Variants in KATNIP observed in about 807,000 individuals in gnomAD.
KATNIP encodes katanin-interacting protein.
Under a neutral mutation model 174.0 loss-of-function variants are expected in KATNIP, and 126 were observed. The ratio of observed to expected loss-of-function variants is 0.72; its 90% CI spans 0.63 to 0.84. The LOEUF is 0.84. Ranked by LOEUF, KATNIP falls within the 40% of genes least tolerant of loss-of-function variation. The pLI is 0.00. For missense variants in KATNIP, 1,958 were observed against 2,109.7 expected, an observed-to-expected ratio of 0.93 and a Z score of 1.41; for synonymous variants, 810 against 835.7, an observed-to-expected ratio of 0.97 and a Z score of 0.53.
rs1307935345 is a variant in KATNIP, at chr16:27,740,079, C to T, written c.1782C>T (p.Val594=). ...DIGAKNVKLY[V]NRNLIFNGKL... is the part of the protein sequence containing the mutation. ...GTGCCAAGAACGTGAAGCTTTACGTCAACAGAAACCTCATCTTCAATGGCA... is the reference window on the plus strand; with the variant it reads ...GTGCCAAGAACGTGAAGCTTTACGTTAACAGAAACCTCATCTTCAATGGCA... Residue 594 remains valine, a synonymous_variant, in exon 15 of 28, where the codon GTC becomes GTT. Coordinates refer to ENST00000261588, the MANE Select transcript of KATNIP (RefSeq NM_015202.5). 3.1e-6 allele frequency: 5 copies of T among 1,613,770 alleles called. No individual in the cohort carries two copies. In the South Asian group the frequency reaches 4.4e-5, roughly 14 times the overall value.
chr16:27,776,441 C>T lies in KATNIP; in HGVS notation c.4450-487C>T, dbSNP rs1319547703. 3.9e-5 allele frequency among the ~76,000 whole-genome samples: 6 copies of T among 152,138 alleles called. No homozygotes were observed. Among genetic ancestry groups the T allele is most frequent in the Non-Finnish European group, 8.8e-5 (6 of 68,024 alleles). ...GACAGCCCCCTTTTTACTCCCCCAGCGGAGGTTCACAGACACGCCCTGGAC... is the reference window on the plus strand; with the variant it reads ...GACAGCCCCCTTTTTACTCCCCCAGTGGAGGTTCACAGACACGCCCTGGAC... On this transcript the variant is annotated intron_variant, in intron 24 of 27. Coordinates refer to ENST00000261588, the MANE Select transcript of KATNIP (RefSeq NM_015202.5). This position sits in a 1 kb window ranked among gnomAD's most constrained non-coding sequence, Gnocchi z 4.7.
intron 2 of KATNIP, among the ~76,000 whole-genome samples, chr16:27,596,385 T>A (rs2075336708): frequency 6.6e-6 from 1 of 151,972 alleles, no homozygotes; most frequent in Non-Finnish European, 1.5e-5. Context: ...TCTCCTGAGA[T>A]GGGAGAGAGA....
intron 19 of KATNIP, among the ~76,000 whole-genome samples, chr16:27,765,074 C>G (rs1401098755): frequency 6.6e-6 from 1 of 152,138 alleles, no homozygotes; most frequent in Non-Finnish European, 1.5e-5. Flanking sequence ...CCAAGTTTCT[C>G]CCAGTACAGC....
intron 14 of KATNIP, among the ~76,000 whole-genome samples, chr16:27,736,873 C>G (rs2080916436): frequency 6.6e-6 from 1 of 152,012 alleles, no homozygotes; most frequent in South Asian, 2.1e-4. Flanking sequence ...TGGGGGAGAC[C>G]CTGGTGGCCC....
At chr16:27,696,564 A>G (rs924943042) in intron 8 of KATNIP, among the ~76,000 whole-genome samples, 2 of 152,174 alleles carry the variant, frequency 1.3e-5, no homozygotes, top group Admixed American at 1.3e-4. Flanking sequence ...CTCATTGTTT[A>G]GCTTATAAGT....
chr16:27,669,395 A>C (rs2077806924), intron 6 of KATNIP: 10 of 653,674 alleles, frequency 1.5e-5, no homozygotes, highest in Non-Finnish European at 1.7e-5. Flanking sequence ...CCTGGCCTCC[A>C]TGCAGAGGGC....
chr16:27,751,889 C>G lies in KATNIP; in HGVS notation c.3517C>G (p.Pro1173Ala). Residue 1173 changes from proline to alanine, a missense_variant, in exon 17 of 28, where the codon CCC (proline) becomes GCC (alanine). Coordinates refer to ENST00000261588, the MANE Select transcript of KATNIP (RefSeq NM_015202.5). Reference protein sequence around the residue: ...STADGEGDERPFTQAGLGADE... With the variant: ...STADGEGDERAFTQAGLGADE... ...GGCCGACGGCGAGGGGGATGAGCGG[C>G]CCTTCACCCAGGCTGGCTTGGGGGC... 6.2e-7 allele frequency: 1 copy of G among 1,612,660 alleles called. No homozygotes were observed. The highest frequency in any genetic ancestry group is 8.5e-7 in the Non-Finnish European group (1 of 1,179,818).
chr16:27,561,349 A>G (rs1425559858), intron 1 of KATNIP, among the ~76,000 whole-genome samples: 1 of 151,948 alleles, frequency 6.6e-6, no homozygotes, highest in South Asian at 2.1e-4. Flanking sequence ...GTGGACACAT[A>G]TGGTTTCCCC....
At chr16:27,660,170 G>A (rs1194330671) in intron 6 of KATNIP, among the ~76,000 whole-genome samples, 2 of 152,118 alleles carry the variant, frequency 1.3e-5, no homozygotes, top group African/African-American at 4.8e-5. Context: ...AACAAGAAGC[G>A]GTGAATTAAA....
At chr16:27,704,123 C>A (rs74016986) in intron 12 of KATNIP, 125 bp downstream of exon 12, 1 of 603,314 alleles carries the variant, frequency 1.7e-6, no homozygotes, top group Non-Finnish European at 2.9e-6. Context: ...GTTTCCACCG[C>A]CCCCCCCCTC....
At chr16:27,570,044 G>A (rs77640698) in intron 1 of KATNIP, among the ~76,000 whole-genome samples, 1,835 of 152,146 alleles carry the variant, frequency 0.012, 47 homozygotes, top group African/African-American at 0.041. Flanking sequence ...CACTACATCT[G>A]TCCTACTTTC....
At chr16:27,760,965 AGGCCCTGT>A (rs2081930196) in intron 18 of KATNIP, among the ~76,000 whole-genome samples, 2 of 152,312 alleles carry the variant, frequency 1.3e-5, no homozygotes, top group Middle Eastern at 6.8e-3. Context: ...GCACATTCAA[AGGCCCTGT>A]GGTTGGAGAG....
rs767241600 is a variant in KATNIP, at chr16:27,618,456, A to C, written c.95A>C (p.Asp32Ala). Residue 32 changes from aspartate (D) to alanine (A), a missense_variant, in exon 3 of 28, where the codon GAT (aspartate) becomes GCT (alanine). Physicochemically the swap from Asp to Ala is moderately radical, Grantham distance 126. This residue lies in a region of KATNIP where 1,557 missense variants were observed against 1,617.8 expected (regional missense o/e 0.96). Coordinates refer to ENST00000261588, the MANE Select transcript of KATNIP (RefSeq NM_015202.5). ...GCTAAGGACATGGTGACAGACTTTG[A>C]TGAGAAACATGATGAGTATTTAATA... ...GYAKDMVTDF[D>A]EKHDEYLILL... 6.2e-7 allele frequency: 1 copy of C among 1,613,654 alleles called. No individual in the cohort carries two copies. The highest frequency in any genetic ancestry group is 1.1e-5 in the South Asian group (1 of 91,054).
At chr16:27,674,789 C>G (rs1367727638) in intron 6 of KATNIP, among the ~76,000 whole-genome samples, 1 of 152,174 alleles carries the variant, frequency 6.6e-6, no homozygotes, top group Non-Finnish European at 1.5e-5. Flanking sequence ...CTCTGTCCCC[C>G]AAAGATTCAC....
At chr16:27,669,362 A>T (rs1230951300) in intron 6 of KATNIP, 2 of 958,550 alleles carry the variant, frequency 2.1e-6, no homozygotes, top group Non-Finnish European at 2.5e-6. Context: ...CTGTCATCCG[A>T]TCTCCACCTG....
At chr16:27,695,535 G>A (rs1421953496) in intron 8 of KATNIP, among the ~76,000 whole-genome samples, 1 of 152,186 alleles carries the variant, frequency 6.6e-6, no homozygotes. Flanking sequence ...ACCCCGATCT[G>A]CTTTGCATGG....
intron 1 of KATNIP, among the ~76,000 whole-genome samples, chr16:27,565,479 A>T (rs1279815959): frequency 6.6e-6 from 1 of 151,556 alleles, no homozygotes; most frequent in Non-Finnish European, 1.5e-5. Flanking sequence ...AAAAAAAAAA[A>T]AGGAAAGAAA....
chr16:27,638,031 T>C (rs1398844610), intron 5 of KATNIP, among the ~76,000 whole-genome samples: 8 of 152,140 alleles, frequency 5.3e-5, no homozygotes, highest in African/African-American at 1.9e-4. Context: ...CATCGTGCCT[T>C]CTCCACACAC....
intron 12 of KATNIP, among the ~76,000 whole-genome samples, chr16:27,707,887 T>C (rs1451154844): frequency 6.6e-6 from 1 of 152,238 alleles, no homozygotes; most frequent in African/African-American, 2.4e-5. Flanking sequence ...ATTGGATTAG[T>C]GCCCCCCTCC....
Sources: gnomAD v4.1 joint callset for allele counts (sites outside exome capture counted in the v4.1 genomes callset) on GRCh38, gnomAD v4.1.1 for gene constraint, gnomAD v4.1.1 regional missense constraint, Gnocchi (gnomAD v3.1) non-coding constraint, MANE v1.5 for transcripts, NCBI Gene and HGNC (gene_info 2026-07-23, HGNC 2026-07-21) for gene names.